DIP2C: variants seen among roughly 807,000 people sequenced by gnomAD.
The protein encoded by DIP2C is disco-interacting protein 2 homolog C.
In DIP2C, 33 loss-of-function variants were observed where a neutral mutation model predicts 192.4. The observed-to-expected ratio is 0.17, with a 90% CI of 0.13 to 0.23. The LOEUF is 0.23. Ranked by LOEUF, DIP2C falls within the 10% of genes least tolerant of loss-of-function variation. DIP2C has a pLI of 1.00. For synonymous variants in DIP2C, 979 were observed against 864.1 expected, an observed-to-expected ratio of 1.13 and a Z score of -2.33; for missense variants, 1,537 against 2,110.1, an observed-to-expected ratio of 0.73 and a Z score of 5.32.
chr10:323,964 T>C (rs1043947971), intron 31 of DIP2C, among the ~76,000 whole-genome samples: 1 of 152,108 alleles, frequency 6.6e-6, no homozygotes, highest in African/African-American at 2.4e-5. Context: ...TTCTAGAAAA[T>C]GAGTGTTTCC....
chr10:307,490 T>C (rs1395969892), intron 32 of DIP2C, among the ~76,000 whole-genome samples: 1 of 152,028 alleles, frequency 6.6e-6, no homozygotes, highest in Admixed American at 6.6e-5. Flanking sequence ...AAAAGGCCCC[T>C]GGGGCCACAC....
intron 1 of DIP2C, among the ~76,000 whole-genome samples, chr10:532,466 T>C (rs1564824213): frequency 6.6e-6 from 1 of 152,210 alleles, no homozygotes; most frequent in Non-Finnish European, 1.5e-5. Flanking sequence ...CAAAACAGCA[T>C]GTTTTTCCAC....
At chr10:590,361 T>C (rs904253310) in intron 1 of DIP2C, among the ~76,000 whole-genome samples, 24 of 152,194 alleles carry the variant, frequency 1.6e-4, no homozygotes, top group African/African-American at 5.3e-4. Context: ...AGCAAGCTGT[T>C]CCTTGGCTCT....
In DIP2C at chr10:338,361, T is replaced by C. The variant is rs557474410; in HGVS notation, c.3584+2838A>G. Among the ~76,000 whole-genome samples the C allele has an allele frequency of 2.0e-5, 3 of 151,862 alleles. No homozygotes were observed. The East Asian group carries it at 5.8e-4, about 29-fold the overall frequency. On this transcript the variant is annotated intron_variant, in intron 29 of 36. Transcript: ENST00000280886. ...GTTCAGGTGCCGCTTACTCACCAACTCGCCAACTCACCTGGGCAACCTCCA... is the reference window on the plus strand; with the variant it reads ...GTTCAGGTGCCGCTTACTCACCAACCCGCCAACTCACCTGGGCAACCTCCA...
At chr10:452,087 C>T (rs1316623095) in intron 3 of DIP2C, among the ~76,000 whole-genome samples, 1 of 152,170 alleles carries the variant, frequency 6.6e-6, no homozygotes, top group Non-Finnish European at 1.5e-5. Flanking sequence ...GATCGGGTAA[C>T]ACGAGCAGGA....
At chr10:378,967 C>T (rs1962027256) in intron 17 of DIP2C, among the ~76,000 whole-genome samples, 1 of 152,240 alleles carries the variant, frequency 6.6e-6, no homozygotes, top group Non-Finnish European at 1.5e-5. Flanking sequence ...AAGTCTCCGA[C>T]TCATGTTTTT....
intron 1 of DIP2C, among the ~76,000 whole-genome samples, chr10:612,361 AAT>A (rs1320317631): frequency 6.6e-6 from 1 of 150,648 alleles, no homozygotes; most frequent in African/African-American, 2.5e-5. Context: ...CTAAAAGAAA[AAT>A]AATATGAAAG....
chr10:343,720 G>GC (rs900031127), intron 28 of DIP2C, among the ~76,000 whole-genome samples: 3 of 152,182 alleles, frequency 2.0e-5, no homozygotes, highest in African/African-American at 4.8e-5. Context: ...ACTCAGATCA[G>GC]CAACTAGAGC....
chr10:505,298 G>A (rs1358028836), intron 1 of DIP2C, among the ~76,000 whole-genome samples: 1 of 152,014 alleles, frequency 6.6e-6, no homozygotes, highest in African/African-American at 2.4e-5. Flanking sequence ...ATACACGCAG[G>A]AGCTATCTTA....
chr10:364,277 A>T, intron 20 of DIP2C, 97 bp downstream of exon 20: 1 of 1,379,154 alleles, frequency 7.3e-7, no homozygotes, highest in Non-Finnish European at 9.9e-7. Flanking sequence ...GAGACACAAT[A>T]CATTTAAGGA....
intron 18 of DIP2C, among the ~76,000 whole-genome samples, chr10:367,491 G>A (rs1564622435): frequency 1.3e-5 from 2 of 151,886 alleles, no homozygotes; most frequent in African/African-American, 4.8e-5. Flanking sequence ...AAAAACAAAA[G>A]TCAGGTAACA....
intron 1 of DIP2C, among the ~76,000 whole-genome samples, chr10:567,193 GTTTTGT>G (rs1027418103): frequency 7.7e-6 from 1 of 130,016 alleles, no homozygotes; most frequent in African/African-American, 4.4e-5. Flanking sequence ...TTTTTGTTTT[GTTTTGT>G]TTTTTTTAAG....
At chr10:326,879 G>C (rs1276152873) in intron 31 of DIP2C, 127 bp downstream of exon 31, 3 of 1,166,960 alleles carry the variant, frequency 2.6e-6, no homozygotes, top group African/African-American at 3.1e-5. Flanking sequence ...CCGCATGCGT[G>C]TGACTGAAAG....
At chr10:490,517 G>A (rs1844354800) in intron 1 of DIP2C, among the ~76,000 whole-genome samples, 1 of 152,192 alleles carries the variant, frequency 6.6e-6, no homozygotes, top group African/African-American at 2.4e-5. Flanking sequence ...TCTCCGGGGA[G>A]GCCCTCCGGG....
intron 1 of DIP2C, chr10:649,956 A>C (rs897755567): frequency 8.1e-6 from 5 of 614,322 alleles, no homozygotes; most frequent in African/African-American, 1.8e-5. Flanking sequence ...TTAACACATC[A>C]AAACGGAAAA....
chr10:502,785 A>C (rs915803331), intron 1 of DIP2C, among the ~76,000 whole-genome samples: 1 of 152,206 alleles, frequency 6.6e-6, no homozygotes, highest in African/African-American at 2.4e-5. Context: ...GAGGATGTGT[A>C]TGAAGAAAAC....
chr10:384,690 G>A, intron 14 of DIP2C, 51 bp from the exon 15 acceptor site: 1 of 1,583,584 alleles, frequency 6.3e-7, no homozygotes, highest in Non-Finnish European at 8.7e-7. Flanking sequence ...GCACGCAGAG[G>A]AGCAGCTCTC....
At chr10:331,154 C>T (rs768789536) in intron 29 of DIP2C, among the ~76,000 whole-genome samples, 3 of 152,090 alleles carry the variant, frequency 2.0e-5, no homozygotes, top group African/African-American at 4.8e-5. Flanking sequence ...CTATGATTAA[C>T]GAGTTAGGCC....
At chr10:391,385 C>T (rs1212187070) in intron 10 of DIP2C, among the ~76,000 whole-genome samples, 1 of 152,270 alleles carries the variant, frequency 6.6e-6, no homozygotes, top group Non-Finnish European at 1.5e-5. Context: ...TTTCTCCTCA[C>T]CCTGAGCAGC....
Sources: gnomAD v4.1 joint callset for allele counts (sites outside exome capture counted in the v4.1 genomes callset) on GRCh38, gnomAD v4.1.1 for gene constraint, MANE v1.5 for transcripts, NCBI Gene and HGNC (gene_info 2026-07-23, HGNC 2026-07-21) for gene names.